The following LPCAT1 variants were observed in gnomAD, a reference collection of about 807,000 sequenced individuals.
LPCAT1 encodes the protein 1-acylglycerol-3-phosphate O-acyltransferase.
Under a neutral mutation model 60.9 loss-of-function variants are expected in LPCAT1, and 23 were observed. The ratio of observed to expected loss-of-function variants is 0.38; its 90% CI spans 0.27 to 0.53. LPCAT1 has a LOEUF of 0.53. Ranked by LOEUF, LPCAT1 falls within the 20% of genes least tolerant of loss-of-function variation. The probability of loss-of-function intolerance (pLI) is 0.82; values close to 1 mark genes in which losing one functional copy is unlikely to be tolerated. For missense variants in LPCAT1, 622 were observed against 723.6 expected, an observed-to-expected ratio of 0.86 and a Z score of 1.61; for synonymous variants, 340 against 301.1, an observed-to-expected ratio of 1.13 and a Z score of -1.34.
At chr5:1,473,261 C>A (rs377752975) in intron 11 of LPCAT1, among the ~76,000 whole-genome samples, 123 of 152,366 alleles carry the variant, frequency 8.1e-4, no homozygotes, top group African/African-American at 2.9e-3. Flanking sequence ...CTTCTACACA[C>A]ACCCTGGCGT....
At position 1,480,737 on chromosome 5, in the gene LPCAT1, C is replaced by T. The variant is rs115230272; in HGVS notation, c.761+205G>A. 7.6e-3 allele frequency among the ~76,000 whole-genome samples: 1,158 copies of T among 152,318 alleles called. 14 individuals are homozygous for T. The highest frequency in any genetic ancestry group is 0.027 in the African/African-American group (1,128 of 41,560). ...GTTCCCTTCCTGCTGGTACTGAAGA[C>T]GTGCAACTTAAGACCCCAGAATCCA... On this transcript the variant is annotated intron_variant, in intron 7 of 13. Coordinates refer to ENST00000283415, the MANE Select transcript of LPCAT1 (RefSeq NM_024830.5). This position sits in a 1 kb window ranked among gnomAD's most constrained non-coding sequence, Gnocchi z 6.4.
Position 1,523,209 on chromosome 5 carries a change from C to T in LPCAT1, c.135+501G>A, listed in dbSNP as rs1736726773. On this transcript the variant is annotated intron_variant, in intron 1 of 13. Coordinates refer to ENST00000283415, the MANE Select transcript of LPCAT1 (RefSeq NM_024830.5). The surrounding 1 kb of genome is among the most constrained non-coding windows in gnomAD (Gnocchi z 7.1). ...CCCGCACACGAGGCTCACCCAGAGCCGCGGTGCCCTCCCGCCCGCGGGCCG... is the reference window on the plus strand; with the variant it reads ...CCCGCACACGAGGCTCACCCAGAGCTGCGGTGCCCTCCCGCCCGCGGGCCG... 6.6e-6 allele frequency among the ~76,000 whole-genome samples: 1 copy of T among 152,104 alleles called. No homozygotes were observed. The highest frequency in any genetic ancestry group is 1.9e-4 in the East Asian group (1 of 5,132).
In LPCAT1 at chr5:1,495,165, G is replaced by T. The variant is rs1213904336; in HGVS notation, c.279-251C>A. The stretch of plus-strand genomic sequence containing the variant: ...GCGGGGCCCTGTGTGGTGGTCACGG[G>T]CCACGCGGCAGGCAGTGCTAAGACA... On this transcript the variant is annotated intron_variant, in intron 2 of 13. Transcript: ENST00000283415. This position sits in a 1 kb window ranked among gnomAD's most constrained non-coding sequence, Gnocchi z 4.7. Among the ~76,000 whole-genome samples the T allele has an allele frequency of 6.6e-6, 1 of 152,228 alleles. No individual in the cohort carries two copies.
intron 2 of LPCAT1, among the ~76,000 whole-genome samples, chr5:1,499,577 T>A (rs1735930556): frequency 6.6e-6 from 1 of 152,202 alleles, no homozygotes; most frequent in African/African-American, 2.4e-5. Flanking sequence ...AAGAGAATTT[T>A]AAAAATCTAG....
intron 1 of LPCAT1, among the ~76,000 whole-genome samples, chr5:1,508,761 G>A (rs1560990527): frequency 6.6e-6 from 1 of 152,230 alleles, no homozygotes; most frequent in African/African-American, 2.4e-5. Context: ...ATGTTGGCCT[G>A]GAACTCTCTG....
intron 13 of LPCAT1, 55 bp downstream of exon 13, chr5:1,466,694 T>G: frequency 6.5e-7 from 1 of 1,535,940 alleles, no homozygotes; most frequent in Non-Finnish European, 8.8e-7. Context: ...CGCCCCACAC[T>G]CTGTCCAGCC....
intron 1 of LPCAT1, among the ~76,000 whole-genome samples, chr5:1,518,580 T>C (rs74972082): frequency 6.6e-6 from 1 of 152,192 alleles, no homozygotes; most frequent in South Asian, 2.1e-4. Flanking sequence ...GACCTCATGA[T>C]CCGCCCGCCT....
At chr5:1,474,773 G>A in intron 9 of LPCAT1, 88 bp from the exon 10 acceptor site, 7 of 1,510,118 alleles carry the variant, frequency 4.6e-6, no homozygotes, top group Non-Finnish European at 5.4e-6. Context: ...TGGCTCAGGG[G>A]AGAGGAGGGC....
chr5:1,522,187 G>A lies in LPCAT1; in HGVS notation c.135+1523C>T, dbSNP rs940746753. On this transcript the variant is annotated intron_variant, in intron 1 of 13. Coordinates refer to ENST00000283415, the MANE Select transcript of LPCAT1 (RefSeq NM_024830.5). This position sits in a 1 kb window ranked among gnomAD's most constrained non-coding sequence, Gnocchi z 6.8. ...GGGGGCGTCCCCGCTGAGGGCTTCC[G>A]AGCAGCAGAGTGCAGGAGGAAGAAA... 6.6e-6 allele frequency among the ~76,000 whole-genome samples: 1 copy of A among 152,224 alleles called. No individual in the cohort carries two copies. The highest frequency in any genetic ancestry group is 2.4e-5 in the African/African-American group (1 of 41,452).
At chr5:1,515,528 G>A (rs1243886681) in intron 1 of LPCAT1, among the ~76,000 whole-genome samples, 1 of 67,808 alleles carries the variant, frequency 1.5e-5, no homozygotes, top group Non-Finnish European at 2.8e-5. Context: ...CACACTACCC[G>A]CAGATACAGG....
At chr5:1,501,217 A>C (rs1735990383) in intron 2 of LPCAT1, among the ~76,000 whole-genome samples, 1 of 152,174 alleles carries the variant, frequency 6.6e-6, no homozygotes, top group African/African-American at 2.4e-5. Flanking sequence ...ATGGCCACAC[A>C]TCCTGCAGAC....
Position 1,523,784 on chromosome 5 carries a change from C to A in LPCAT1, c.61G>T (p.Ala21Ser), listed in dbSNP as rs916682617. 3.0e-5 allele frequency: 34 copies of A among 1,131,500 alleles called. 1 individual carries two copies. The Middle Eastern group carries it at 1.2e-3, about 38-fold the overall frequency. The allele number at this position is 1,131,500 out of a possible 1,614,324, so 70.1% of individuals were successfully genotyped here. ...CGCCCCGGGGGCGCCAGCAGCCGAG[C>A]GTCGCTGGCCCCTGCGCTGGAGGCA... is the stretch of plus-strand genomic sequence containing the variant. ...APASSAGASD[A>S]RLLAPPGRNP... The change falls in exon 1 of 14, where the codon GCT (alanine) becomes TCT (serine). Residue 21 changes from alanine to serine, a missense_variant. By Grantham distance (99) the Ala-to-Ser change is moderately conservative. Around this residue, in one of 3 missense-constraint regions of LPCAT1, gnomAD observed 125 missense variants for 114.5 expected, o/e 1.09. Transcript: ENST00000283415. This position sits in a 1 kb window ranked among gnomAD's most constrained non-coding sequence, Gnocchi z 7.1.
At chr5:1,490,712 C>T (rs936354688) in intron 3 of LPCAT1, among the ~76,000 whole-genome samples, 9 of 152,254 alleles carry the variant, frequency 5.9e-5, no homozygotes, top group African/African-American at 1.9e-4. Flanking sequence ...GCCATGAAGG[C>T]TGGTGCTCAG....
chr5:1,470,965 C>T (rs556780758), intron 11 of LPCAT1, 41 bp from the exon 12 acceptor site: 81 of 1,574,156 alleles, frequency 5.1e-5, no homozygotes, highest in African/African-American at 1.2e-4. Flanking sequence ...CGGCCGCCTT[C>T]GGCACTGGAG....
chr5:1,512,200 C>G (rs77551385), intron 1 of LPCAT1, among the ~76,000 whole-genome samples: 3,221 of 152,306 alleles, frequency 0.021, 55 homozygotes, highest in Non-Finnish European at 0.033. Flanking sequence ...CGTGCGGCCC[C>G]GTGAGTCGCA....
chr5:1,509,766 T>A (rs1049815601), intron 1 of LPCAT1, among the ~76,000 whole-genome samples: 1 of 152,186 alleles, frequency 6.6e-6, no homozygotes, highest in Non-Finnish European at 1.5e-5. Flanking sequence ...ACGCCCACAA[T>A]GAATTCTCAT....
intron 5 of LPCAT1, among the ~76,000 whole-genome samples, chr5:1,484,464 G>A (rs568836696): frequency 1.3e-5 from 2 of 152,338 alleles, no homozygotes; most frequent in South Asian, 4.1e-4. Flanking sequence ...GTCTGAGAAG[G>A]GCTCCCCTGC....
At chr5:1,499,494 C>T (rs549775943) in intron 2 of LPCAT1, among the ~76,000 whole-genome samples, 1 of 152,216 alleles carries the variant, frequency 6.6e-6, no homozygotes, top group African/African-American at 2.4e-5. Context: ...ATTTACTTTG[C>T]TTGGTTATAT....
Position 1,463,530 on chromosome 5 carries a change from CGGGCTG to C in LPCAT1, c.*115_*120del. 2.7e-6 allele frequency: 3 copies of C among 1,092,976 alleles called. No individual in the cohort carries two copies. Among genetic ancestry groups the C allele is most frequent in the Non-Finnish European group, 2.6e-6 (2 of 771,858 alleles). 67.7% of individuals were successfully genotyped at this position (1,092,976 alleles called of 1,614,324 possible). A position where few individuals can be genotyped will look rare whatever the true frequency, so the allele number is the denominator to read the frequency against. On this transcript the variant is annotated 3_prime_UTR_variant, in exon 14 of 14. Transcript: ENST00000283415. The stretch of plus-strand genomic sequence containing the variant: ...AACAGCCCCCGAGGCCCCTGGAACT[CGGGCTG>C]AAGACAGTGCCTGTACAGCAGGAGT...
Sources: gnomAD v4.1 joint callset for allele counts (sites outside exome capture counted in the v4.1 genomes callset) on GRCh38, gnomAD v4.1.1 for gene constraint, gnomAD v4.1.1 regional missense constraint, Gnocchi (gnomAD v3.1) non-coding constraint, MANE v1.5 for transcripts, NCBI Gene and HGNC (gene_info 2026-07-23, HGNC 2026-07-21) for gene names.